STRIP2: variants seen among roughly 807,000 people sequenced by gnomAD.
STRIP2 encodes striatin-interacting protein 2.
STRIP2 carries 84 observed loss-of-function variants against 107.1 expected under a neutral mutation model. The ratio of observed to expected loss-of-function variants is 0.78; its 90% CI spans 0.66 to 0.94. The LOEUF (loss-of-function observed/expected upper bound fraction) is 0.94. Ranked by LOEUF, STRIP2 falls within the 40% of genes least tolerant of loss-of-function variation. The pLI, the probability that STRIP2 is intolerant of heterozygous loss-of-function variation, is 0.00. For missense variants in STRIP2, 888 were observed against 1,034.2 expected (o/e 0.86, Z 1.94); for synonymous variants, 394 against 400.4 (o/e 0.98, Z 0.19).
Position 129,486,012 on chromosome 7 carries a change from T to C in STRIP2, c.*183T>C. 1.6e-6 allele frequency: 1 copy of C among 637,988 alleles called. No individual in the cohort carries two copies. Among genetic ancestry groups the C allele is most frequent in the Non-Finnish European group, 2.6e-6 (1 of 378,278 alleles). 39.5% of individuals were successfully genotyped at this position (637,988 alleles called of 1,614,324 possible). A position where few individuals can be genotyped will look rare whatever the true frequency, so the allele number is the denominator to read the frequency against. ...AATGATCAACTTGCCCTGGGGTCAG[T>C]TGGGTGCCCAGTTGGCCTTGGAAAT... On this transcript the variant is annotated 3_prime_UTR_variant, in exon 21 of 21. Transcript: ENST00000249344.
At chr7:129,484,179 A>G (rs188258267) in intron 20 of STRIP2, among the ~76,000 whole-genome samples, 195 of 152,302 alleles carry the variant, frequency 1.3e-3, no homozygotes, top group African/African-American at 4.4e-3. Flanking sequence ...TCGTCTATCT[A>G]TGGTATTACC....
At chr7:129,484,793 T>C (rs746705438) in intron 20 of STRIP2, 6 of 152,238 alleles carry the variant, frequency 3.9e-5, no homozygotes, top group Non-Finnish European at 8.8e-5. Context: ...AAATGTTTTA[T>C]CCTGCAAATG....
chr7:129,457,130 A>G (rs1442491343), intron 9 of STRIP2, among the ~76,000 whole-genome samples: 1 of 152,210 alleles, frequency 6.6e-6, no homozygotes, highest in South Asian at 2.1e-4. Flanking sequence ...GGGTCTATGT[A>G]TATAACCATG....
At chr7:129,469,395 A>T (rs929449273) in intron 17 of STRIP2, among the ~76,000 whole-genome samples, 1 of 152,200 alleles carries the variant, frequency 6.6e-6, no homozygotes. Flanking sequence ...AATTAATTTT[A>T]TGCCCCCTTA....
At chr7:129,449,047 A>C (rs1345990873) in intron 3 of STRIP2, among the ~76,000 whole-genome samples, 2 of 152,208 alleles carry the variant, frequency 1.3e-5, no homozygotes, top group African/African-American at 4.8e-5. Flanking sequence ...AGGCATTTCC[A>C]GCTCACTCAG....
chr7:129,450,550 G>T (rs533608349), intron 3 of STRIP2, among the ~76,000 whole-genome samples: 34 of 152,330 alleles, frequency 2.2e-4, no homozygotes, highest in Non-Finnish European at 4.4e-4. Context: ...TCAATTTTCA[G>T]TTCAACAAAT....
chr7:129,441,719 A>G (rs1010162652), intron 2 of STRIP2, among the ~76,000 whole-genome samples: 2 of 151,852 alleles, frequency 1.3e-5, no homozygotes, highest in African/African-American at 4.8e-5. Flanking sequence ...GGCATGCCCT[A>G]CCATGCCCAG....
intron 3 of STRIP2, among the ~76,000 whole-genome samples, chr7:129,446,131 G>A (rs888793061): frequency 2.0e-5 from 3 of 152,116 alleles, no homozygotes; most frequent in South Asian, 4.2e-4. Context: ...CGTAACTTCC[G>A]TCCCTGCCAC....
In STRIP2 at chr7:129,454,416, C is replaced by T; in HGVS notation, c.600-5C>T. The stretch of plus-strand genomic sequence containing the variant: ...GAACCTCTTGTGACTCTTCTGTAAC[C>T]CCAGGGTGCTGCTGAGTGTTATGTA... On this transcript the variant is annotated splice_region_variant and splice_polypyrimidine_tract_variant and intron_variant, in intron 6 of 20. Coordinates refer to ENST00000249344, the MANE Select transcript of STRIP2 (RefSeq NM_020704.3). 1.2e-6 allele frequency: 2 copies of T among 1,610,224 alleles called. No homozygotes were observed. The highest frequency in any genetic ancestry group is 1.1e-5 in the South Asian group (1 of 90,980).
chr7:129,467,744 T>C (rs1285567447), intron 17 of STRIP2, among the ~76,000 whole-genome samples: 1 of 152,200 alleles, frequency 6.6e-6, no homozygotes, highest in African/African-American at 2.4e-5. Context: ...GGGTTGTTTT[T>C]TGTGAAACAA....
At chr7:129,468,915 C>T (rs1313363738) in intron 17 of STRIP2, among the ~76,000 whole-genome samples, 3 of 152,184 alleles carry the variant, frequency 2.0e-5, no homozygotes, top group Admixed American at 2.0e-4. Context: ...GACACCAGGC[C>T]TCTGTATTTC....
chr7:129,482,629 C>T (rs373806459), intron 19 of STRIP2, among the ~76,000 whole-genome samples: 9 of 151,896 alleles, frequency 5.9e-5, no homozygotes, highest in East Asian at 1.9e-4. Flanking sequence ...CCACTGGCTT[C>T]GGCCTCCCAA....
chr7:129,452,246 A>G (rs903803815), intron 4 of STRIP2, among the ~76,000 whole-genome samples: 13 of 152,316 alleles, frequency 8.5e-5, no homozygotes, highest in African/African-American at 3.1e-4. Flanking sequence ...TCAGAACTAA[A>G]TAGAGTAATT....
intron 14 of STRIP2, among the ~76,000 whole-genome samples, 180 bp downstream of exon 14, chr7:129,463,220 G>A (rs2151006594): frequency 6.6e-6 from 1 of 152,346 alleles, no homozygotes; most frequent in South Asian, 2.1e-4. Flanking sequence ...TGATGGTGCT[G>A]TTCTCCCTAG....
In STRIP2 at chr7:129,483,009, G is replaced by T. The variant is rs751257769; in HGVS notation, c.2217G>T (p.Val739=). 4 of 1,614,092 alleles carry T rather than the reference G, an allele frequency of 2.5e-6. No individual in the cohort carries two copies. Among genetic ancestry groups the T allele is most frequent in the Non-Finnish European group, 2.5e-6 (3 of 1,180,054 alleles). The change falls in exon 20 of 21, where the codon GTG becomes GTT. Residue 739 remains valine (V), a synonymous_variant. Coordinates refer to ENST00000249344, the MANE Select transcript of STRIP2 (RefSeq NM_020704.3). The surrounding 1 kb of genome is among the most constrained non-coding windows in gnomAD (Gnocchi z 5.1). ...CCATGTCAGCCATTTACCAGAAAGT[G>T]CGTCACCGCATGAACGATGACTGGG... The part of the protein sequence containing the change: ...MKTMSAIYQK[V]RHRMNDDWAY...
intron 9 of STRIP2, among the ~76,000 whole-genome samples, 197 bp downstream of exon 9, chr7:129,456,839 G>A (rs2151000700): frequency 6.6e-6 from 1 of 152,222 alleles, no homozygotes; most frequent in African/African-American, 2.4e-5. Context: ...CTGCGCTGTT[G>A]TGATGTGACA....
intron 11 of STRIP2, 103 bp from the exon 12 acceptor site, chr7:129,459,414 G>A: frequency 1.0e-6 from 1 of 975,112 alleles, no homozygotes; most frequent in Non-Finnish European, 1.7e-6. Flanking sequence ...GGGGGTAGAT[G>A]TTGTTGAAAG....
At chr7:129,435,838 C>T (rs1053294452) in intron 1 of STRIP2, among the ~76,000 whole-genome samples, 1 of 152,160 alleles carries the variant, frequency 6.6e-6, no homozygotes, top group African/African-American at 2.4e-5. Flanking sequence ...TTTGGCATCC[C>T]AGACCTTGCC....
In STRIP2 at chr7:129,488,068, G is replaced by T. The variant is rs2151023614; in HGVS notation, c.*2239G>T. The T allele has an allele frequency of 6.6e-6, 1 of 152,250 alleles. No homozygotes were observed. Among genetic ancestry groups the T allele is most frequent in the African/African-American group, 2.4e-5 (1 of 41,544 alleles). The allele number at this position is 152,250 out of a possible 1,614,324, so 9.4% of individuals were successfully genotyped here. A position where few individuals can be genotyped will look rare whatever the true frequency, so the allele number is the denominator to read the frequency against. On this transcript the variant is annotated 3_prime_UTR_variant, in exon 21 of 21. Coordinates refer to ENST00000249344, the MANE Select transcript of STRIP2 (RefSeq NM_020704.3). ...CCAGCCCCATATATTAAGGTAACCA[G>T]GTTGAATCTTCCAATTTGAGAACCC...
Sources: gnomAD v4.1 joint callset for allele counts (sites outside exome capture counted in the v4.1 genomes callset) on GRCh38, gnomAD v4.1.1 for gene constraint, Gnocchi (gnomAD v3.1) non-coding constraint, MANE v1.5 for transcripts, NCBI Gene and HGNC (gene_info 2026-07-23, HGNC 2026-07-21) for gene names.